Variants in MEGF6 observed in about 807,000 individuals in gnomAD.
MEGF6 encodes the protein multiple EGF like domains 6, also known as multiple epidermal growth factor-like domains protein 6.
MEGF6 carries 184 observed loss-of-function variants against 207.1 expected under a neutral mutation model. The ratio of observed to expected loss-of-function variants is 0.89; its 90% CI spans 0.79 to 1.00. The LOEUF (loss-of-function observed/expected upper bound fraction) is 1.00, where lower values mean the gene tolerates loss of function less well. Ranked by LOEUF, MEGF6 falls within the 50% of genes least tolerant of loss-of-function variation. The pLI is 0.00. For synonymous variants in MEGF6, 1,038 were observed against 910.0 expected (o/e 1.14, Z -2.53); for missense variants, 2,282 against 2,202.9 (o/e 1.04, Z -0.72).
At chr1:3,511,872 A>C in intron 8 of MEGF6, 134 bp downstream of exon 8, 1 of 1,480,132 alleles carries the variant, frequency 6.8e-7, no homozygotes, top group Admixed American at 2.1e-5. Context: ...CCCTCTGCTC[A>C]CCAAGGGCTC....
intron 1 of MEGF6, among the ~76,000 whole-genome samples, chr1:3,608,622 C>T (rs568579341): frequency 2.0e-5 from 3 of 152,322 alleles, no homozygotes; most frequent in East Asian, 1.9e-4. Flanking sequence ...TCAGAGAGAA[C>T]CTGAGCCCCG....
Position 3,560,187 on chromosome 1 carries a change from T to A in MEGF6, c.481+19638A>T, listed in dbSNP as rs1365948373. Among the ~76,000 whole-genome samples, 1 of 152,078 alleles carries A rather than the reference T, an allele frequency of 6.6e-6. No individual in the cohort carries two copies. Among genetic ancestry groups the A allele is most frequent in the African/African-American group, 2.4e-5 (1 of 41,414 alleles). ...TTATTTTTTAAAGCACTTTTAGGCT[T>A]ATGGAAAAACTGGACAGAAAGTACA... On this transcript the variant is annotated intron_variant, in intron 4 of 36. Coordinates refer to ENST00000356575, the MANE Select transcript of MEGF6 (RefSeq NM_001409.4). The surrounding 1 kb of genome is among the most constrained non-coding windows in gnomAD (Gnocchi z 4.0).
rs566470701 is a variant in MEGF6, at chr1:3,602,718, C to T, written c.132-118G>A. ...CTGGAGTGAGGTCCAGACCCGTGGC[C>T]AGGCCTCCACGGCACAGTGCCCATG... On this transcript the variant is annotated intron_variant, in intron 1 of 36. Coordinates refer to ENST00000356575, the MANE Select transcript of MEGF6 (RefSeq NM_001409.4). The T allele has an allele frequency of 2.9e-6, 4 of 1,396,546 alleles. No homozygotes were observed. In the Admixed American group the frequency reaches 1.0e-4, roughly 36 times the overall value. 86.5% of individuals were successfully genotyped at this position (1,396,546 alleles called of 1,614,324 possible). A position where few individuals can be genotyped will look rare whatever the true frequency, so the allele number is the denominator to read the frequency against.
Position 3,514,626 on chromosome 1 carries a change from G to A in MEGF6, c.777C>T (p.Cys259=). ...AGCGGGCGAGGCCCCGGACCACCTG[G>A]CACCTGTGCATGCAGCTGCCGTTCC... The part of the protein sequence containing the change: ...ANRNGSCMHR[C]QVVRGLARCE... The change falls in exon 7 of 37, where the codon TGC becomes TGT. Residue 259 remains cysteine, a synonymous_variant. Transcript: ENST00000356575. The A allele has an allele frequency of 6.3e-7, 1 of 1,581,020 alleles. No individual in the cohort carries two copies. The highest frequency in any genetic ancestry group is 8.6e-7 in the Non-Finnish European group (1 of 1,165,904).
rs994679972 is a variant in MEGF6 at position 3,508,962 on chromosome 1, G to A, written c.1528+113C>T. ...CTGGGCCTTGGTCTAACATGGCATT[G>A]CAGGGGTCCTTCCTCACGTCCCCAG... On this transcript the variant is annotated intron_variant, in intron 12 of 36. Transcript: ENST00000356575. The A allele has an allele frequency of 4.0e-6, 5 of 1,257,832 alleles. No homozygotes were observed. In the Admixed American group the frequency reaches 1.2e-4, roughly 30 times the overall value. The allele number at this position is 1,257,832 out of a possible 1,614,324, so 77.9% of individuals were successfully genotyped here.
In MEGF6 at chr1:3,501,312, G is replaced by A. The variant is rs774317838; in HGVS notation, c.2315-4C>T. On this transcript the variant is annotated splice_region_variant and splice_polypyrimidine_tract_variant and intron_variant, in intron 18 of 36. Transcript: ENST00000356575. ...CCCCAGCGGCCCTCGGGACAATCTA[G>A]TGCCCACCCCCATGGCCAGTCAGTG... 3 of 1,594,444 alleles carry A rather than the reference G, an allele frequency of 1.9e-6. No homozygotes were observed. The highest frequency in any genetic ancestry group is 1.7e-5 in the Admixed American group (1 of 57,992).
chr1:3,524,424 T>C (rs1570049637), intron 4 of MEGF6, among the ~76,000 whole-genome samples, 178 bp from the exon 5 acceptor site: 2 of 152,134 alleles, frequency 1.3e-5, no homozygotes, highest in Non-Finnish European at 2.9e-5. Context: ...GGTCTGTGCT[T>C]CCACCTTGGA....
Position 3,602,473 on chromosome 1 carries a change from C to T in MEGF6, c.259G>A (p.Glu87Lys), listed in dbSNP as rs780885325. The T allele has an allele frequency of 5.6e-6, 9 of 1,613,422 alleles. No individual in the cohort carries two copies. Among genetic ancestry groups the T allele is most frequent in the Admixed American group, 1.7e-5 (1 of 60,008 alleles). Reference protein sequence around the residue: ...CGWQAWCVGHERRTVYYMGYR... With the variant: ...CGWQAWCVGHKRRTVYYMGYR... ...ACGGGCCCCTGCACTTACCTCCGCT[C>T]ATGACCCACGCACCACGCCTGCCAC... Residue 87 changes from glutamate to lysine, a missense_variant, in exon 2 of 37, where the codon GAG becomes AAG. Transcript: ENST00000356575.
chr1:3,522,640 C>T (rs558454856), intron 5 of MEGF6, among the ~76,000 whole-genome samples: 11 of 151,916 alleles, frequency 7.2e-5, no homozygotes, highest in Non-Finnish European at 1.3e-4. Flanking sequence ...GTCCTTGTCC[C>T]TTTTGAGGGT....
chr1:3,608,774 C>T (rs1242881180), intron 1 of MEGF6, among the ~76,000 whole-genome samples: 2 of 152,150 alleles, frequency 1.3e-5, no homozygotes, highest in African/African-American at 4.8e-5. Context: ...AGACCCCGTT[C>T]CCAGATGCCC....
intron 3 of MEGF6, 52 bp from the exon 4 acceptor site, chr1:3,579,981 G>A: frequency 7.6e-7 from 1 of 1,322,568 alleles, no homozygotes; most frequent in Non-Finnish European, 1.0e-6. Flanking sequence ...GGTGAGGCAG[G>A]GGGAGGTGAG....
chr1:3,488,394 G>A lies in MEGF6; in HGVS notation c.*2134C>T, dbSNP rs1299078027. ...CCCGTCCACACCCTCACACCATGCTGAGACTGTCGGGGGTTCCCATTGGGG... is the reference window on the plus strand; with the variant it reads ...CCCGTCCACACCCTCACACCATGCTAAGACTGTCGGGGGTTCCCATTGGGG... On this transcript the variant is annotated 3_prime_UTR_variant, in exon 37 of 37. Coordinates refer to ENST00000356575, the MANE Select transcript of MEGF6 (RefSeq NM_001409.4). 6.6e-6 allele frequency among the ~76,000 whole-genome samples: 1 copy of A among 152,208 alleles called. No individual in the cohort carries two copies. The highest frequency in any genetic ancestry group is 1.5e-5 in the Non-Finnish European group (1 of 68,036).
chr1:3,523,041 TC>T (rs1641816798), intron 5 of MEGF6, among the ~76,000 whole-genome samples: 1 of 148,720 alleles, frequency 6.7e-6, no homozygotes, highest in African/African-American at 2.5e-5. Flanking sequence ...GCTGCCTGGA[TC>T]CCCATGGTGG....
chr1:3,561,529 C>T (rs1013060179), intron 4 of MEGF6, among the ~76,000 whole-genome samples: 2 of 152,214 alleles, frequency 1.3e-5, no homozygotes, highest in African/African-American at 4.8e-5. Context: ...AGACACCAGG[C>T]CTGGATGGTC....
intron 4 of MEGF6, among the ~76,000 whole-genome samples, chr1:3,568,258 C>T (rs74553677): frequency 0.014 from 2,073 of 152,162 alleles, 41 homozygotes; most frequent in African/African-American, 0.048. Flanking sequence ...CATAGACACA[C>T]TGGGCCTTAG....
Position 3,499,167 on chromosome 1 carries a change from G to T in MEGF6, c.3065C>A (p.Pro1022His). 4 of 1,604,350 alleles carry T rather than the reference G, an allele frequency of 2.5e-6. No individual in the cohort carries two copies. The highest frequency in any genetic ancestry group is 2.5e-6 in the Non-Finnish European group (3 of 1,176,814). Residue 1022 changes from proline (P) to histidine (H), a missense_variant, in exon 24 of 37, where the codon CCT becomes CAT. By Grantham distance (77) the Pro-to-His change is moderately conservative. Transcript: ENST00000356575. ...CAGGCAGGAGGGCCCCATCCAGCCAGGGGCACAGTGGCACTGCCCGTGGAC... is the reference window on the plus strand; with the variant it reads ...CAGGCAGGAGGGCCCCATCCAGCCATGGGCACAGTGGCACTGCCCGTGGAC... ...DPVHGQCHCAPGWMGPSCLQA... is the reference protein window; with the variant it reads ...DPVHGQCHCAHGWMGPSCLQA...
chr1:3,554,699 C>T (rs1291677249), intron 4 of MEGF6, among the ~76,000 whole-genome samples: 1 of 152,232 alleles, frequency 6.6e-6, no homozygotes, highest in African/African-American at 2.4e-5. Flanking sequence ...GGTCCCCCTG[C>T]CCCTCCTCTC....
rs568654494 is a variant in MEGF6 at position 3,521,121 on chromosome 1, G to A, written c.604+3003C>T. On this transcript the variant is annotated intron_variant, in intron 5 of 36. Coordinates refer to ENST00000356575, the MANE Select transcript of MEGF6 (RefSeq NM_001409.4). ...CCAGGCGGGGTCACGACACCCTCCC[G>A]GCCAGGAGGACCCTGGCAGGCCTGG... Among the ~76,000 whole-genome samples the A allele has an allele frequency of 3.3e-5, 5 of 152,130 alleles. No homozygotes were observed. The South Asian group carries it at 6.2e-4, about 19-fold the overall frequency.
chr1:3,492,797 C>G (rs1217381355), intron 34 of MEGF6, 30 bp from the exon 35 acceptor site: 1 of 1,596,792 alleles, frequency 6.3e-7, no homozygotes. Context: ...GGAGACAAAC[C>G]TGAGCATCAT....
Sources: gnomAD v4.1 joint callset for allele counts (sites outside exome capture counted in the v4.1 genomes callset) on GRCh38, gnomAD v4.1.1 for gene constraint, Gnocchi (gnomAD v3.1) non-coding constraint, MANE v1.5 for transcripts, NCBI Gene and HGNC (gene_info 2026-07-23, HGNC 2026-07-21) for gene names.